Variants in ECT2L observed in about 807,000 individuals in gnomAD.
ECT2L encodes the protein epithelial cell-transforming sequence 2 oncogene-like.
A neutral mutation model predicts 122.8 loss-of-function variants in ECT2L; 126 were observed. That is an observed-to-expected ratio of 1.03 (90% CI 0.89 to 1.19). The LOEUF (loss-of-function observed/expected upper bound fraction) is 1.19. ECT2L is among the 50% of genes most tolerant of loss of function. The pLI, the probability that ECT2L is intolerant of heterozygous loss-of-function variation, is 0.00. For missense variants in ECT2L, 1,012 were observed against 1,064.1 expected (o/e 0.95, Z 0.68); for synonymous variants, 385 against 381.8 (o/e 1.01, Z -0.10).
At chr6:138,814,786 G>A (rs1411686209) in intron 4 of ECT2L, among the ~76,000 whole-genome samples, 183 bp downstream of exon 4, 1 of 152,184 alleles carries the variant, frequency 6.6e-6, no homozygotes, top group Non-Finnish European at 1.5e-5. Context: ...AAGTGAAGCC[G>A]TGGGGAGGAT....
At chr6:138,866,942 C>T (rs898648498) in intron 12 of ECT2L, among the ~76,000 whole-genome samples, 7 of 151,866 alleles carry the variant, frequency 4.6e-5, no homozygotes, top group African/African-American at 7.3e-5. Context: ...GGCCTGGTGA[C>T]GTGTGCCTGT....
chr6:138,870,536 T>C (rs977729154), intron 13 of ECT2L, among the ~76,000 whole-genome samples: 4 of 152,190 alleles, frequency 2.6e-5, no homozygotes, highest in Non-Finnish European at 5.9e-5. Flanking sequence ...AACTGCAACA[T>C]GTTAACTTGA....
rs2128387065 is a variant in ECT2L, at chr6:138,838,435, A to G, written c.263A>G (p.Tyr88Cys). The G allele has an allele frequency of 1.2e-6, 2 of 1,614,056 alleles. No homozygotes were observed. The highest frequency in any genetic ancestry group is 1.7e-4 in the Middle Eastern group (1 of 6,060). ...STVLPRFISL[Y>C]IFSFLSPKDL... is the part of the protein sequence containing the mutation. ...GTGTTACCACGCTTCATTTCTCTAT[A>G]TATCTTTTCCTTTTTGAGTCCGAAA... is the stretch of plus-strand genomic sequence containing the variant. The change falls in exon 5 of 22, where the codon TAT (tyrosine) becomes TGT (cysteine). Residue 88 changes from tyrosine (Y) to cysteine (C), a missense_variant. Transcript: ENST00000541398.
intron 15 of ECT2L, 98 bp downstream of exon 15, chr6:138,881,269 C>A: frequency 8.2e-7 from 1 of 1,223,802 alleles, no homozygotes; most frequent in Non-Finnish European, 1.1e-6. Flanking sequence ...CAATGATGCT[C>A]TGACCCTCTT....
intron 13 of ECT2L, among the ~76,000 whole-genome samples, chr6:138,870,764 T>TGC (rs1778225416): frequency 6.6e-6 from 1 of 152,326 alleles, no homozygotes; most frequent in East Asian, 1.9e-4. Flanking sequence ...ATCCCAGCAC[T>TGC]TTGGGAGGCC....
At position 138,886,864 on chromosome 6, in the gene ECT2L, A is replaced by C; in HGVS notation, c.2267A>C (p.Gln756Pro). The stretch of plus-strand genomic sequence containing the variant: ...GTACTTTTTTTCCCCTAGATGAAGC[A>C]AAACATCACTATGAAGGATCATCTG... ...KYKGYIDQMK[Q>P]NITMKDHLSD... Residue 756 changes from glutamine (Q) to proline (P), a missense_variant, in exon 19 of 22, where the codon CAA becomes CCA. Coordinates refer to ENST00000541398, the MANE Select transcript of ECT2L (RefSeq NM_001077706.3). The C allele has an allele frequency of 6.2e-7, 1 of 1,613,378 alleles. No individual in the cohort carries two copies. Among genetic ancestry groups the C allele is most frequent in the South Asian group, 1.1e-5 (1 of 90,936 alleles).
At chr6:138,881,197 T>C (rs183566138) in intron 15 of ECT2L, 26 bp downstream of exon 15, 2 of 1,592,406 alleles carry the variant, frequency 1.3e-6, no homozygotes, top group South Asian at 2.2e-5. Context: ...GTATTTTTTT[T>C]AATATTCATT....
At chr6:138,847,537 ATTTT>A (rs777070599) in intron 8 of ECT2L, among the ~76,000 whole-genome samples, 2 of 123,828 alleles carry the variant, frequency 1.6e-5, no homozygotes, top group African/African-American at 6.1e-5. Context: ...TGCCCGGCTA[ATTTT>A]TTTTTTTTTT....
chr6:138,882,122 C>A (rs1419635986), intron 15 of ECT2L, among the ~76,000 whole-genome samples: 2 of 152,162 alleles, frequency 1.3e-5, no homozygotes, highest in African/African-American at 2.4e-5. Context: ...TTTTCAAGTG[C>A]ATAACATGAG....
At chr6:138,813,814 G>T (rs917220311) in intron 3 of ECT2L, among the ~76,000 whole-genome samples, 10 of 152,148 alleles carry the variant, frequency 6.6e-5, no homozygotes, top group Non-Finnish European at 4.4e-5. Context: ...AATAGAGAAG[G>T]CAAACTGGGT....
At chr6:138,848,460 T>A (rs57637001) in intron 8 of ECT2L, among the ~76,000 whole-genome samples, 1 of 152,336 alleles carries the variant, frequency 6.6e-6, no homozygotes, top group Non-Finnish European at 1.5e-5. Context: ...GACCTTTGTA[T>A]CTATATATGT....
chr6:138,894,410 A>C (rs137928074), intron 20 of ECT2L, among the ~76,000 whole-genome samples: 2 of 152,196 alleles, frequency 1.3e-5, no homozygotes, highest in Admixed American at 1.3e-4. Context: ...AATTATCAGA[A>C]ATTAGACTTT....
intron 5 of ECT2L, among the ~76,000 whole-genome samples, chr6:138,840,866 C>T (rs1777015270): frequency 1.3e-5 from 2 of 152,104 alleles, no homozygotes; most frequent in Non-Finnish European, 2.9e-5. Context: ...CATTCTCTCC[C>T]TTTTTCTCCT....
intron 16 of ECT2L, among the ~76,000 whole-genome samples, chr6:138,884,661 T>A (rs1029430310): frequency 6.6e-6 from 1 of 151,374 alleles, no homozygotes. Context: ...ACAAAAAAAA[T>A]ATATTAAGTA....
chr6:138,859,462 T>A (rs1777741894), intron 10 of ECT2L, among the ~76,000 whole-genome samples: 2 of 152,332 alleles, frequency 1.3e-5, no homozygotes, highest in South Asian at 4.1e-4. Flanking sequence ...CCAGCTAAAC[T>A]GATTTCCAAA....
chr6:138,806,469 G>A (rs1775713416), intron 1 of ECT2L, among the ~76,000 whole-genome samples: 1 of 150,610 alleles, frequency 6.6e-6, no homozygotes, highest in Non-Finnish European at 1.5e-5. Context: ...GACCAATGTG[G>A]GAGTTAGGGG....
chr6:138,831,151 G>A (rs1383329984), intron 4 of ECT2L, among the ~76,000 whole-genome samples: 1 of 152,140 alleles, frequency 6.6e-6, no homozygotes, highest in Non-Finnish European at 1.5e-5. Flanking sequence ...TATCTCTCAT[G>A]TGTTCAATTT....
chr6:138,814,668 A>G, intron 4 of ECT2L, 65 bp downstream of exon 4: 1 of 994,926 alleles, frequency 1.0e-6, no homozygotes, highest in East Asian at 2.7e-5. Flanking sequence ...AAATGTTTAT[A>G]TAACCTTTAA....
At chr6:138,807,801 A>G (rs1775760677) in intron 1 of ECT2L, among the ~76,000 whole-genome samples, 1 of 152,018 alleles carries the variant, frequency 6.6e-6, no homozygotes, top group Non-Finnish European at 1.5e-5. Context: ...CTGCAGTGCC[A>G]CCCTTGTCAT....
Sources: gnomAD v4.1 joint callset for allele counts (sites outside exome capture counted in the v4.1 genomes callset) on GRCh38, gnomAD v4.1.1 for gene constraint, MANE v1.5 for transcripts, NCBI Gene and HGNC (gene_info 2026-07-23, HGNC 2026-07-21) for gene names.